HPR: variants seen among roughly 807,000 people sequenced by gnomAD.
HPR encodes the protein haptoglobin-related protein.
In HPR, 17 loss-of-function variants were observed where a neutral mutation model predicts 18.5. That is an observed-to-expected ratio of 0.92 (90% CI 0.63 to 1.38). HPR has a LOEUF of 1.38. HPR is among the 40% of genes most tolerant of loss of function. HPR has a pLI of 0.00. For missense variants in HPR, 457 were observed against 432.4 expected, an observed-to-expected ratio of 1.06 and a Z score of -0.51; for synonymous variants, 176 against 165.0, an observed-to-expected ratio of 1.07 and a Z score of -0.51.
chr16:72,074,035 ACT>A, intron 2 of HPR, 58 bp downstream of exon 2: 2 of 1,605,374 alleles, frequency 1.2e-6, no homozygotes, highest in Non-Finnish European at 1.7e-6. Context: ...TCCCACTCTG[ACT>A]CTCTCGGGTC....
chr16:72,074,135 C>A (rs1363359443), intron 2 of HPR, 149 bp from the exon 3 acceptor site: 4 of 1,247,038 alleles, frequency 3.2e-6, no homozygotes, highest in African/African-American at 2.9e-5. Context: ...GGGATCCTGC[C>A]AGAAATGAGG....
At chr16:72,068,072 T>C (rs1033651494) in intron 1 of HPR, among the ~76,000 whole-genome samples, 3 of 152,166 alleles carry the variant, frequency 2.0e-5, no homozygotes, top group African/African-American at 4.8e-5. Flanking sequence ...CCAACCTTTT[T>C]GGTCAAATTT....
intron 1 of HPR, among the ~76,000 whole-genome samples, chr16:72,064,597 T>C (rs2041578257): frequency 6.6e-6 from 1 of 152,228 alleles, no homozygotes; most frequent in East Asian, 1.9e-4. Flanking sequence ...CAGGACACAG[T>C]AGCAGGGACA....
Position 72,073,993 on chromosome 16 carries a change from G to A in HPR, c.91+16G>A, listed in dbSNP as rs1258888295. 2 of 1,613,820 alleles carry A rather than the reference G, an allele frequency of 1.2e-6. No individual in the cohort carries two copies. Among genetic ancestry groups the A allele is most frequent in the African/African-American group, 2.7e-5 (2 of 74,910 alleles). ...GATATTTCAGGTCAGTCTTTGAGTT[G>A]GGTAGGAGCATGCATCCCTGGCACT... On this transcript the variant is annotated intron_variant, in intron 2 of 4. Transcript: ENST00000540303.
At position 72,073,977 on chromosome 16, in the gene HPR, G is replaced by A; in HGVS notation, c.91G>A (p.Asp31Asn). 1 of 1,614,008 alleles carries A rather than the reference G, an allele frequency of 6.2e-7. No homozygotes were observed. Among genetic ancestry groups the A allele is most frequent in the Non-Finnish European group, 8.5e-7 (1 of 1,179,990 alleles). The change falls in exon 2 of 5, where the codon GAT becomes AAT. Residue 31 changes from aspartate to asparagine, a missense_variant and splice_region_variant. By Grantham distance (23) the Asp-to-Asn change is conservative. Transcript: ENST00000540303. ...YSGNDVTDISDDRFPKPPEIA... is the reference protein window; with the variant it reads ...YSGNDVTDISNDRFPKPPEIA... ...AGGCAATGATGTCACGGATATTTCAGGTCAGTCTTTGAGTTGGGTAGGAGC... is the reference window on the plus strand; with the variant it reads ...AGGCAATGATGTCACGGATATTTCAAGTCAGTCTTTGAGTTGGGTAGGAGC...
At position 72,074,405 on chromosome 16, in the gene HPR, C is replaced by G. The variant is rs1255146316; in HGVS notation, c.193+20C>G. The G allele has an allele frequency of 2.6e-6, 4 of 1,559,920 alleles. No individual in the cohort carries two copies. The highest frequency in any genetic ancestry group is 3.5e-6 in the Non-Finnish European group (4 of 1,130,400). Reference sequence around the variant, plus strand: ...GAGATGGTAAGACCTGGACAACTATCTCTGTGCTCTACCTACAACCCCTGC... The same window carrying G: ...GAGATGGTAAGACCTGGACAACTATGTCTGTGCTCTACCTACAACCCCTGC... On this transcript the variant is annotated intron_variant, in intron 3 of 4. Transcript: ENST00000540303.
At chr16:72,069,669 T>C (rs1419897496) in intron 1 of HPR, among the ~76,000 whole-genome samples, 1 of 152,072 alleles carries the variant, frequency 6.6e-6, no homozygotes, top group African/African-American at 2.4e-5. Flanking sequence ...GTATAAGAAT[T>C]TACACCCTAG....
In HPR at chr16:72,074,163, T is replaced by G; in HGVS notation, c.92-121T>G. The G allele has an allele frequency of 4.0e-6, 5 of 1,254,872 alleles. No individual in the cohort carries two copies. In the South Asian group the frequency reaches 6.1e-5, roughly 15 times the overall value. The allele number at this position is 1,254,872 out of a possible 1,614,324, so 77.7% of individuals were successfully genotyped here. A position where few individuals can be genotyped will look rare whatever the true frequency, so the allele number is the denominator to read the frequency against. On this transcript the variant is annotated intron_variant, in intron 2 of 4. Coordinates refer to ENST00000540303, the MANE Select transcript of HPR (RefSeq NM_020995.4). ...AAATGAGGGGAGCTTGAGCTTTCGT[T>G]GGCTTCTATTTGGGGTAGAAGGAGA...
At chr16:72,069,654 T>C (rs2041634781) in intron 1 of HPR, among the ~76,000 whole-genome samples, 1 of 152,192 alleles carries the variant, frequency 6.6e-6, no homozygotes, top group African/African-American at 2.4e-5. Flanking sequence ...TCAGGGTCTA[T>C]GGATGTATAA....
intron 1 of HPR, among the ~76,000 whole-genome samples, chr16:72,068,288 A>T (rs1400026598): frequency 1.3e-5 from 2 of 152,162 alleles, no homozygotes; most frequent in African/African-American, 4.8e-5. Context: ...TAGGCCGCTT[A>T]ATAAGTGCGG....
intron 1 of HPR, among the ~76,000 whole-genome samples, chr16:72,073,087 T>C (rs1041168301): frequency 6.6e-6 from 1 of 152,196 alleles, no homozygotes; most frequent in African/African-American, 2.4e-5. Context: ...AAAACTGATC[T>C]TCCTGCCTTC....
chr16:72,069,423 A>G (rs1230825001), intron 1 of HPR, among the ~76,000 whole-genome samples: 1 of 152,122 alleles, frequency 6.6e-6, no homozygotes, highest in Non-Finnish European at 1.5e-5. Context: ...CGAAACACCT[A>G]TGTTTCACTT....
chr16:72,066,827 A>C (rs1388534481), intron 1 of HPR, among the ~76,000 whole-genome samples: 2 of 152,206 alleles, frequency 1.3e-5, no homozygotes, highest in East Asian at 3.9e-4. Context: ...AGGGAAAAAC[A>C]AAAACAGAAG....
chr16:72,069,083 T>C (rs2041628129), intron 1 of HPR, among the ~76,000 whole-genome samples: 1 of 152,176 alleles, frequency 6.6e-6, no homozygotes, highest in African/African-American at 2.4e-5. Flanking sequence ...GAAAATTGCC[T>C]AATAATTGGT....
chr16:72,074,155 G>A (rs998608954), intron 2 of HPR, 129 bp from the exon 3 acceptor site: 131 of 1,236,246 alleles, frequency 1.1e-4, no homozygotes, highest in Admixed American at 2.2e-4. Context: ...GGGAGCTTGA[G>A]CTTTCGTTGG....
intron 1 of HPR, among the ~76,000 whole-genome samples, chr16:72,071,726 G>A (rs139204165): frequency 2.0e-5 from 3 of 152,266 alleles, no homozygotes; most frequent in Non-Finnish European, 2.9e-5. Context: ...GGACACTGCC[G>A]AGTAACTGGA....
At chr16:72,064,082 G>A (rs1423223115) in intron 1 of HPR, among the ~76,000 whole-genome samples, 1 of 152,128 alleles carries the variant, frequency 6.6e-6, no homozygotes, top group Non-Finnish European at 1.5e-5. Context: ...TGAATGGTGG[G>A]CGTCTGTTAG....
At chr16:72,068,540 C>T (rs923210018) in intron 1 of HPR, among the ~76,000 whole-genome samples, 3 of 152,166 alleles carry the variant, frequency 2.0e-5, no homozygotes, top group Non-Finnish European at 4.4e-5. Context: ...CTTATAACTG[C>T]TCTTGCCCTA....
At chr16:72,071,882 C>T (rs1335294535) in intron 1 of HPR, among the ~76,000 whole-genome samples, 2 of 152,164 alleles carry the variant, frequency 1.3e-5, no homozygotes, top group African/African-American at 2.4e-5. Context: ...CCACTGGAGT[C>T]CAACGAGGAG....
Sources: allele counts gnomAD v4.1 joint callset (sites outside exome capture counted in the v4.1 genomes callset), GRCh38; gene constraint gnomAD v4.1.1; transcripts MANE v1.5; gene names NCBI Gene and HGNC (gene_info 2026-07-23, HGNC 2026-07-21).